PTPRN2: variants seen among roughly 807,000 people sequenced by gnomAD.
The protein encoded by PTPRN2 is protein tyrosine phosphatase receptor type N2, also known as receptor-type tyrosine-protein phosphatase N2.
In PTPRN2, 74 loss-of-function variants were observed where a neutral mutation model predicts 118.8. The ratio of observed to expected loss-of-function variants is 0.62; its 90% CI spans 0.52 to 0.76. The LOEUF (loss-of-function observed/expected upper bound fraction) is 0.76. Among genes scored for constraint, PTPRN2 ranks in the 30% least tolerant of loss-of-function variants. PTPRN2 has a pLI of 0.00. For synonymous variants in PTPRN2, 641 were observed against 608.0 expected (o/e 1.05, Z -0.80); for missense variants, 1,481 against 1,394.4 (o/e 1.06, Z -0.99).
chr7:158,526,783 C>T lies in PTPRN2; in HGVS notation c.113-36998G>A, dbSNP rs373705753. Among the ~76,000 whole-genome samples, 20 of 152,204 alleles carry T rather than the reference C, an allele frequency of 1.3e-4. No homozygotes were observed. In the East Asian group the frequency reaches 3.7e-3, roughly 28 times the overall value. ...GGCACAGGGAGGAGACGGCATCTGC[C>T]AGCCAAGGGGAGAGGCCTCTGGGGG... On this transcript the variant is annotated intron_variant, in intron 1 of 22. Transcript: ENST00000389418. The surrounding 1 kb of genome is among the most constrained non-coding windows in gnomAD (Gnocchi z 5.2).
intron 3 of PTPRN2, among the ~76,000 whole-genome samples, chr7:158,290,435 G>A (rs1800048008): frequency 6.6e-6 from 1 of 152,032 alleles, no homozygotes; most frequent in African/African-American, 2.4e-5. Flanking sequence ...CAACCTGTAT[G>A]CGGAGTGGGC....
intron 3 of PTPRN2, among the ~76,000 whole-genome samples, chr7:158,250,527 A>G (rs1008178923): frequency 8.5e-5 from 13 of 152,180 alleles, no homozygotes; most frequent in African/African-American, 3.1e-4. Context: ...GTACACACCC[A>G]TGTACACACA....
At chr7:158,330,075 A>T (rs1586290291) in intron 2 of PTPRN2, among the ~76,000 whole-genome samples, 1 of 111,264 alleles carries the variant, frequency 9.0e-6, no homozygotes, top group Non-Finnish European at 2.0e-5. Flanking sequence ...TCACCATAAG[A>T]GCTGACACCT....
intron 12 of PTPRN2, among the ~76,000 whole-genome samples, chr7:157,713,143 A>G (rs1798732905): frequency 6.6e-6 from 1 of 152,170 alleles, no homozygotes. Flanking sequence ...GGTCGTTTCC[A>G]TCTGATGGTC....
intron 12 of PTPRN2, among the ~76,000 whole-genome samples, chr7:157,862,311 T>C (rs77666523): frequency 0.036 from 5,467 of 152,330 alleles, 136 homozygotes; most frequent in Non-Finnish European, 0.052. Context: ...GTTCAGCCTA[T>C]AGCATTAGCT....
rs1414972495 is a variant in PTPRN2 at position 158,071,289 on chromosome 7, G to T, written c.1723+10009C>A. Among the ~76,000 whole-genome samples the T allele has an allele frequency of 3.1e-3, 324 of 103,860 alleles. 35 individuals carry two copies. Among genetic ancestry groups the T allele is most frequent in the African/African-American group, 0.016 (290 of 18,296 alleles). The allele number at this position is 103,860 out of a possible 152,430, so 68.1% of individuals were successfully genotyped here. ...GGTGGTGGAGGTGCCCGTGGTGGTG[G>T]AGGTGCTCGTGGTGGAGGTGCCCAT... On this transcript the variant is annotated intron_variant, in intron 11 of 22. Coordinates refer to ENST00000389418, the MANE Select transcript of PTPRN2 (RefSeq NM_002847.5).
Position 158,505,128 on chromosome 7 carries a change from G to A in PTPRN2, c.113-15343C>T, listed in dbSNP as rs114402173. Among the ~76,000 whole-genome samples, 1,508 of 152,186 alleles carry A rather than the reference G, an allele frequency of 9.9e-3. 22 individuals are homozygous for A. The highest frequency in any genetic ancestry group is 0.034 in the African/African-American group (1,419 of 41,504). On this transcript the variant is annotated intron_variant, in intron 1 of 22. Coordinates refer to ENST00000389418, the MANE Select transcript of PTPRN2 (RefSeq NM_002847.5). ...CTCTGATGCAGGTAGGATTATCATC[G>A]CATCATAAATCACTCAGGGACCTGC...
chr7:158,423,519 A>T (rs112942777), intron 2 of PTPRN2, among the ~76,000 whole-genome samples: 2 of 149,080 alleles, frequency 1.3e-5, no homozygotes, highest in Non-Finnish European at 3.0e-5. Context: ...GGTCTCAGAG[A>T]TTAGCCCCTC....
intron 3 of PTPRN2, among the ~76,000 whole-genome samples, chr7:158,277,256 C>T (rs1051907245): frequency 2.6e-5 from 4 of 152,342 alleles, no homozygotes; most frequent in East Asian, 1.9e-4. Flanking sequence ...CTGTGCGAAT[C>T]GGCCTCCAGC....
intron 11 of PTPRN2, among the ~76,000 whole-genome samples, chr7:157,948,245 AT>A (rs755651417): frequency 2.0e-5 from 3 of 152,248 alleles, no homozygotes; most frequent in Non-Finnish European, 4.4e-5. Flanking sequence ...TAAAACAATA[AT>A]TATAAATCTA....
At chr7:158,080,834 T>C (rs1001326627) in intron 11 of PTPRN2, among the ~76,000 whole-genome samples, 7 of 152,142 alleles carry the variant, frequency 4.6e-5, no homozygotes, top group Non-Finnish European at 1.0e-4. Flanking sequence ...TCCCAGATAC[T>C]TTGTGGTGTC....
intron 11 of PTPRN2, among the ~76,000 whole-genome samples, chr7:157,984,202 G>C (rs1355490766): frequency 2.0e-5 from 3 of 151,274 alleles, no homozygotes; most frequent in Admixed American, 6.6e-5. Flanking sequence ...CAGCGTCCCT[G>C]CCTGAGTCCT....
chr7:157,750,485 G>T (rs1801397309), intron 12 of PTPRN2, among the ~76,000 whole-genome samples: 1 of 152,198 alleles, frequency 6.6e-6, no homozygotes, highest in Admixed American at 6.5e-5. Context: ...CCGCACCTAT[G>T]AGAGGCAGGA....
At chr7:158,505,335 G>A (rs765711377) in intron 1 of PTPRN2, among the ~76,000 whole-genome samples, 15 of 152,096 alleles carry the variant, frequency 9.9e-5, no homozygotes, top group South Asian at 8.3e-4. Flanking sequence ...CCACCAAGAC[G>A]GAGTAAAAGC....
chr7:157,984,105 C>T (rs1252211895), intron 11 of PTPRN2, among the ~76,000 whole-genome samples: 2 of 152,054 alleles, frequency 1.3e-5, no homozygotes, highest in African/African-American at 2.4e-5. Context: ...TGGAGACAGC[C>T]GGGAACCCAG....
At chr7:157,880,462 C>T (rs1466485947) in intron 12 of PTPRN2, among the ~76,000 whole-genome samples, 1 of 152,226 alleles carries the variant, frequency 6.6e-6, no homozygotes, top group African/African-American at 2.4e-5. Flanking sequence ...GGGGCACCGG[C>T]AGCTCCTGGG....
intron 15 of PTPRN2, among the ~76,000 whole-genome samples, chr7:157,605,540 C>T (rs1801953984): frequency 6.6e-6 from 1 of 152,216 alleles, no homozygotes; most frequent in African/African-American, 2.4e-5. Flanking sequence ...TCGACAGGTC[C>T]TGAGTTCTTG....
intron 12 of PTPRN2, among the ~76,000 whole-genome samples, chr7:157,830,755 C>G (rs1167137980): frequency 6.6e-6 from 1 of 152,204 alleles, no homozygotes; most frequent in East Asian, 1.9e-4. Context: ...TAGAAGTATT[C>G]TAGAACAAAG....
intron 12 of PTPRN2, among the ~76,000 whole-genome samples, chr7:157,797,735 G>A (rs1462246325): frequency 1.3e-5 from 2 of 152,224 alleles, no homozygotes; most frequent in Admixed American, 6.5e-5. Context: ...GAGGGGCTGC[G>A]TTGGGCCAGG....
Sources: allele counts gnomAD v4.1 joint callset (sites outside exome capture counted in the v4.1 genomes callset), GRCh38; gene constraint gnomAD v4.1.1; non-coding constraint Gnocchi (gnomAD v3.1); transcripts MANE v1.5; gene names NCBI Gene and HGNC (gene_info 2026-07-23, HGNC 2026-07-21).